Variants in RIMS1 observed in about 807,000 individuals in gnomAD.
RIMS1 encodes the protein regulating synaptic membrane exocytosis 1.
Under a neutral mutation model 214.1 loss-of-function variants are expected in RIMS1, and 83 were observed. That is an observed-to-expected ratio of 0.39 (90% CI 0.32 to 0.47). The LOEUF is 0.47. Among genes scored for constraint, RIMS1 ranks in the 20% least tolerant of loss-of-function variants. The probability of loss-of-function intolerance (pLI) is 0.99; values close to 1 mark genes in which losing one functional copy is unlikely to be tolerated. For synonymous variants in RIMS1, 793 were observed against 786.8 expected (o/e 1.01, Z -0.13); for missense variants, 2,050 against 2,161.8 (o/e 0.95, Z 1.03).
In RIMS1 at chr6:72,390,501, A is replaced by G. The variant is rs2098685909; in HGVS notation, c.4367-97A>G. 3.1e-6 allele frequency: 4 copies of G among 1,277,268 alleles called. No homozygotes were observed. The Admixed American group carries it at 9.7e-5, about 31-fold the overall frequency. 79.1% of individuals were successfully genotyped at this position (1,277,268 alleles called of 1,614,324 possible). ...TATTTTTCTGATTAAATTTGTAATT[A>G]TGTGTAAAATTAACTATTGTATTTG... On this transcript the variant is annotated intron_variant, in intron 29 of 33. Coordinates refer to ENST00000521978, the MANE Select transcript of RIMS1 (RefSeq NM_014989.7).
rs910483218 is a variant in RIMS1, at chr6:72,186,990, G to A, written c.1678+3841G>A. ...TACTAAAATACAAAAAATTAGCCAG[G>A]TGTGGTGGCATGCGCCTGTAGGCTA... On this transcript the variant is annotated intron_variant, in intron 6 of 33. Transcript: ENST00000521978. Among the ~76,000 whole-genome samples, 147 of 152,264 alleles carry A rather than the reference G, an allele frequency of 9.7e-4. 2 individuals are homozygous for A. Among genetic ancestry groups the A allele is most frequent in the Non-Finnish European group, 3.5e-4 (24 of 68,026 alleles).
chr6:71,949,427 A>G (rs1788796854), intron 1 of RIMS1, among the ~76,000 whole-genome samples: 1 of 152,084 alleles, frequency 6.6e-6, no homozygotes, highest in Non-Finnish European at 1.5e-5. Context: ...GCAAGCAACC[A>G]CCAATTTTCT....
At chr6:72,178,909 G>A (rs1199182639) in intron 4 of RIMS1, among the ~76,000 whole-genome samples, 3 of 152,056 alleles carry the variant, frequency 2.0e-5, no homozygotes, top group Non-Finnish European at 2.9e-5. Context: ...ACATTGGAGT[G>A]GTCACATATG....
chr6:71,938,540 G>A (rs202075183), intron 1 of RIMS1, among the ~76,000 whole-genome samples: 2 of 152,214 alleles, frequency 1.3e-5, no homozygotes, highest in African/African-American at 4.8e-5. Context: ...TTTATGGCTT[G>A]TATCTTCCAG....
intron 29 of RIMS1, among the ~76,000 whole-genome samples, chr6:72,341,008 A>G (rs545824623): frequency 0.039 from 5,861 of 152,024 alleles, 160 homozygotes; most frequent in Middle Eastern, 0.078. Flanking sequence ...CATCCCTTGT[A>G]AGTTGGATTC....
Position 71,916,162 on chromosome 6 carries a change from C to T in RIMS1, c.164+28975C>T, listed in dbSNP as rs370958869. Among the ~76,000 whole-genome samples, 440 of 152,096 alleles carry T rather than the reference C, an allele frequency of 2.9e-3. 5 individuals are homozygous for T. In the South Asian group the frequency reaches 0.037, roughly 13 times the overall value. On this transcript the variant is annotated intron_variant, in intron 1 of 33. Transcript: ENST00000521978. Reference sequence around the variant, plus strand: ...GGAAAATTAGTGGTGAGAAAAATGGCAATATTTAGAAAGCAGAATAGGAAT... The same window carrying T: ...GGAAAATTAGTGGTGAGAAAAATGGTAATATTTAGAAAGCAGAATAGGAAT...
At chr6:72,316,277 G>C (rs1160321969) in intron 28 of RIMS1, among the ~76,000 whole-genome samples, 7 of 152,154 alleles carry the variant, frequency 4.6e-5, no homozygotes. Context: ...GAGCACAGGA[G>C]GGGAGGTGAT....
intron 29 of RIMS1, among the ~76,000 whole-genome samples, chr6:72,383,231 C>T (rs1306367781): frequency 1.3e-5 from 2 of 152,152 alleles, no homozygotes; most frequent in Non-Finnish European, 2.9e-5. Flanking sequence ...AAACCCACTG[C>T]ACAGCACTTA....
chr6:72,355,954 A>G (rs1057374645), intron 29 of RIMS1, among the ~76,000 whole-genome samples: 5 of 152,200 alleles, frequency 3.3e-5, no homozygotes, highest in Non-Finnish European at 7.3e-5. Context: ...CGTTCTAGAT[A>G]CTTATTTGGC....
In RIMS1 at chr6:72,051,022, T is replaced by C. The variant is rs116591551; in HGVS notation, c.246-45927T>C. Among the ~76,000 whole-genome samples the C allele has an allele frequency of 2.5e-3, 382 of 152,236 alleles. 2 individuals are homozygous for C. The highest frequency in any genetic ancestry group is 8.9e-3 in the African/African-American group (368 of 41,542). ...ATTATCAGTGTGAATCCAGTGTGAATTATCAAATTTCACACTTGAAAAAAG... is the reference window on the plus strand; with the variant it reads ...ATTATCAGTGTGAATCCAGTGTGAACTATCAAATTTCACACTTGAAAAAAG... On this transcript the variant is annotated intron_variant, in intron 2 of 33. Transcript: ENST00000521978.
chr6:71,896,726 C>T (rs1771919443), intron 1 of RIMS1, among the ~76,000 whole-genome samples: 1 of 152,104 alleles, frequency 6.6e-6, no homozygotes, highest in Non-Finnish European at 1.5e-5. Context: ...TCTTTTGAAG[C>T]TCCCTCTTGC....
At chr6:72,362,157 AT>A (rs934702246) in intron 29 of RIMS1, among the ~76,000 whole-genome samples, 5 of 151,734 alleles carry the variant, frequency 3.3e-5, no homozygotes, top group Non-Finnish European at 5.9e-5. Flanking sequence ...AGGGAAAGGG[AT>A]TTTTTTTTCA....
chr6:72,063,217 G>A (rs1828386355), intron 2 of RIMS1, among the ~76,000 whole-genome samples: 2 of 152,140 alleles, frequency 1.3e-5, no homozygotes, highest in South Asian at 4.1e-4. Context: ...TATCAGTCAT[G>A]GGAGAGGAAG....
intron 22 of RIMS1, chr6:72,266,325 G>T (rs2080518245): frequency 4.3e-6 from 2 of 467,316 alleles, no homozygotes; most frequent in Admixed American, 3.3e-5. Context: ...CCCTTTTGTT[G>T]CTGTTCAGTC....
At chr6:72,011,232 G>C (rs1220325029) in intron 2 of RIMS1, among the ~76,000 whole-genome samples, 2 of 152,178 alleles carry the variant, frequency 1.3e-5, no homozygotes, top group African/African-American at 2.4e-5. Flanking sequence ...ATGAAGAAAG[G>C]ATTCCCTATT....
intron 29 of RIMS1, among the ~76,000 whole-genome samples, chr6:72,383,191 T>C (rs1355470540): frequency 6.6e-6 from 1 of 152,120 alleles, no homozygotes; most frequent in Non-Finnish European, 1.5e-5. Context: ...TTACATAACA[T>C]AAATACATAA....
At chr6:72,331,873 CA>C (rs2096671246) in intron 28 of RIMS1, among the ~76,000 whole-genome samples, 1 of 151,748 alleles carries the variant, frequency 6.6e-6, no homozygotes, top group Admixed American at 6.6e-5. Flanking sequence ...TGGACAAGTT[CA>C]AGTAATGCAG....
At chr6:72,080,251 G>A (rs780118695) in intron 2 of RIMS1, among the ~76,000 whole-genome samples, 6 of 152,036 alleles carry the variant, frequency 3.9e-5, no homozygotes, top group African/African-American at 1.4e-4. Context: ...GCAACACAGC[G>A]CGACTCCATC....
At chr6:72,341,115 G>A (rs952644339) in intron 29 of RIMS1, among the ~76,000 whole-genome samples, 1 of 151,590 alleles carries the variant, frequency 6.6e-6, no homozygotes, top group Non-Finnish European at 1.5e-5. Flanking sequence ...AATTCTTGTG[G>A]TTTTTGCACA....
Sources: gnomAD v4.1 joint callset for allele counts (sites outside exome capture counted in the v4.1 genomes callset) on GRCh38, gnomAD v4.1.1 for gene constraint, MANE v1.5 for transcripts, NCBI Gene and HGNC (gene_info 2026-07-23, HGNC 2026-07-21) for gene names.